ADCY3: variants seen among roughly 807,000 people sequenced by gnomAD.
ADCY3 encodes adenylate cyclase type 3.
A neutral mutation model predicts 119.4 loss-of-function variants in ADCY3; 70 were observed. The observed-to-expected ratio is 0.59, with a 90% CI of 0.48 to 0.72. The LOEUF is 0.72. Ranked by LOEUF, ADCY3 falls within the 30% of genes least tolerant of loss-of-function variation. ADCY3 has a pLI of 0.00. For missense variants in ADCY3, 1,238 were observed against 1,541.6 expected, an observed-to-expected ratio of 0.80 and a Z score of 3.30; for synonymous variants, 672 against 621.4, an observed-to-expected ratio of 1.08 and a Z score of -1.21.
Position 24,842,174 on chromosome 2 carries a change from C to T in ADCY3, c.956+80G>A, listed in dbSNP as rs1671085600. 11 of 1,593,366 alleles carry T rather than the reference C, an allele frequency of 6.9e-6. No homozygotes were observed. In the South Asian group the frequency reaches 1.0e-4, roughly 15 times the overall value. Reference sequence around the variant, plus strand: ...TCCCTGGAAAACCTCTTGAAGCCCACAGCACCTAGCGGGTCCCACAAAGAT... The same window carrying T: ...TCCCTGGAAAACCTCTTGAAGCCCATAGCACCTAGCGGGTCCCACAAAGAT... On this transcript the variant is annotated intron_variant, in intron 4 of 21. Coordinates refer to ENST00000679454, the MANE Select transcript of ADCY3 (RefSeq NM_004036.5). The surrounding 1 kb of genome is among the most constrained non-coding windows in gnomAD (Gnocchi z 4.9).
At chr2:24,829,377 A>G (rs868607445) in intron 13 of ADCY3, among the ~76,000 whole-genome samples, 2 of 148,828 alleles carry the variant, frequency 1.3e-5, no homozygotes. Context: ...CACTGGCAGA[A>G]TAAGTCTCCA....
chr2:24,838,541 A>G lies in ADCY3; in HGVS notation c.1437T>C (p.Cys479=), dbSNP rs771135347. ...DVEPGDGGSR[C]DYLEEKGIET... ...CAATACCCTTCTCTTCTAGGTAATC[A>G]CAGCGGCTGCCCCCATCGCCTGGCT... Residue 479 remains cysteine, a synonymous_variant, in exon 8 of 22, where the codon TGT becomes TGC. Transcript: ENST00000679454. The G allele has an allele frequency of 1.2e-6, 2 of 1,614,082 alleles. No individual in the cohort carries two copies. The highest frequency in any genetic ancestry group is 2.2e-5 in the South Asian group (2 of 91,082).
chr2:24,827,717 T>G, intron 14 of ADCY3, 109 bp from the exon 15 acceptor site: 2 of 1,423,872 alleles, frequency 1.4e-6, no homozygotes, highest in Admixed American at 3.9e-5. Flanking sequence ...ATGGGAAGAA[T>G]CTATTCTCAG....
chr2:24,829,701 C>T (rs566750224), intron 13 of ADCY3, among the ~76,000 whole-genome samples: 52 of 150,756 alleles, frequency 3.4e-4, no homozygotes, highest in Non-Finnish European at 5.6e-4. Flanking sequence ...GGATTACAGG[C>T]GTGAGCCACT....
rs1676032663 is a variant in ADCY3 at position 24,878,837 on chromosome 2, C to G, written c.676-6118G>C. On this transcript the variant is annotated intron_variant, in intron 2 of 21. Transcript: ENST00000679454. This position sits in a 1 kb window ranked among gnomAD's most constrained non-coding sequence, Gnocchi z 4.0. ...ATGTCCCTACCCCTCAGAGGCCTTC[C>G]CTGCCCACCCCTACTCATTCTCCAG... Among the ~76,000 whole-genome samples, 1 of 152,186 alleles carries G rather than the reference C, an allele frequency of 6.6e-6. No homozygotes were observed. The highest frequency in any genetic ancestry group is 2.1e-4 in the South Asian group (1 of 4,830).
chr2:24,838,295 G>T (rs1042318556), intron 8 of ADCY3, 150 bp downstream of exon 8: 1 of 771,536 alleles, frequency 1.3e-6, no homozygotes, highest in Non-Finnish European at 2.1e-6. Context: ...TCTCCCTTGG[G>T]AAGGGTGCCA....
In ADCY3 at chr2:24,842,237, G is replaced by T. The variant is rs370231589; in HGVS notation, c.956+17C>A. Reference sequence around the variant, plus strand: ...AGCCTGCTCTGCCATCAGAGCCCGCGCCCCGGGCCGGCGTACCTGACGTTC... The same window carrying T: ...AGCCTGCTCTGCCATCAGAGCCCGCTCCCCGGGCCGGCGTACCTGACGTTC... On this transcript the variant is annotated intron_variant, in intron 4 of 21. Transcript: ENST00000679454. The surrounding 1 kb of genome is among the most constrained non-coding windows in gnomAD (Gnocchi z 4.9). 4 of 1,613,722 alleles carry T rather than the reference G, an allele frequency of 2.5e-6. No individual in the cohort carries two copies. The Admixed American group carries it at 6.7e-5, about 27-fold the overall frequency.
intron 8 of ADCY3, among the ~76,000 whole-genome samples, chr2:24,837,399 G>A (rs773046216): frequency 5.9e-5 from 9 of 152,178 alleles, no homozygotes; most frequent in Non-Finnish European, 1.0e-4. Context: ...AAGACACTGG[G>A]GGTGGAGATA....
intron 2 of ADCY3, among the ~76,000 whole-genome samples, chr2:24,905,599 G>T (rs368949511): frequency 6.6e-6 from 1 of 152,196 alleles, no homozygotes; most frequent in East Asian, 1.9e-4. Context: ...AGGGAGGCAA[G>T]GGCAGGGCTT....
At chr2:24,830,959 T>C (rs1056074) in intron 12 of ADCY3, 134 bp from the exon 13 acceptor site, 123,394 of 679,522 alleles carry the variant, frequency 0.18, 11,925 homozygotes, top group East Asian at 0.3. Flanking sequence ...GGGAGTCACC[T>C]GACAGCTGAC....
rs1667150183 is a variant in ADCY3, at chr2:24,819,200, G to A, written c.*732C>T. 6.6e-6 allele frequency: 1 copy of A among 152,630 alleles called. No homozygotes were observed. The highest frequency in any genetic ancestry group is 1.5e-5 in the Non-Finnish European group (1 of 68,044). 9.5% of individuals were successfully genotyped at this position (152,630 alleles called of 1,614,324 possible). ...GTTGAATAAAGCTTTTAATAAAACA[G>A]TCTTGTTCTTTATCAATACCTGTAA... On this transcript the variant is annotated 3_prime_UTR_variant, in exon 22 of 22. Coordinates refer to ENST00000679454, the MANE Select transcript of ADCY3 (RefSeq NM_004036.5).
At chr2:24,833,025 C>T (rs185720698) in intron 11 of ADCY3, among the ~76,000 whole-genome samples, 14 of 152,346 alleles carry the variant, frequency 9.2e-5, no homozygotes, top group Admixed American at 5.9e-4. Flanking sequence ...CAGCATCTAT[C>T]GACGGAATCC....
chr2:24,820,613 G>A (rs1250922920), intron 21 of ADCY3, 111 bp downstream of exon 21: 2 of 1,537,546 alleles, frequency 1.3e-6, no homozygotes, highest in Non-Finnish European at 1.8e-6. Context: ...CTCTGCCTCT[G>A]GACTTACTGT....
At chr2:24,840,532 A>G in intron 6 of ADCY3, 1 of 468,178 alleles carries the variant, frequency 2.1e-6, no homozygotes, top group South Asian at 1.6e-5. Flanking sequence ...AACCTGGAAG[A>G]TGGTAAAAAT....
Position 24,841,791 on chromosome 2 carries a change from G to C in ADCY3, c.957-124C>G, listed in dbSNP as rs192943397. ...AGGGCAGGAGAAGGTCCTCCCTCAC[G>C]ACCCCCAGACAGTGAGACCCTGACC... On this transcript the variant is annotated intron_variant, in intron 4 of 21. Coordinates refer to ENST00000679454, the MANE Select transcript of ADCY3 (RefSeq NM_004036.5). This position sits in a 1 kb window ranked among gnomAD's most constrained non-coding sequence, Gnocchi z 5.8. 347 of 697,968 alleles carry C rather than the reference G, an allele frequency of 5.0e-4. 3 individuals are homozygous for C. In the African/African-American group the frequency reaches 5.5e-3, roughly 11 times the overall value. 43.2% of individuals were successfully genotyped at this position (697,968 alleles called of 1,614,324 possible).
chr2:24,853,158 C>A (rs574314558), intron 3 of ADCY3, among the ~76,000 whole-genome samples: 1 of 151,862 alleles, frequency 6.6e-6, no homozygotes, highest in African/African-American at 2.4e-5. Context: ...AACCTGTAAC[C>A]GAGGACTGGG....
In ADCY3 at chr2:24,827,563, C is replaced by T; in HGVS notation, c.2478G>A (p.Gly826=). ...ALEQMQGFNP[G]LNGTDRLPLV... ...GCCCTTACCTGTCAGTGCCATTGAGCCCAGGGTTGAATCCTTGCATCTGCT... is the reference window on the plus strand; with the variant it reads ...GCCCTTACCTGTCAGTGCCATTGAGTCCAGGGTTGAATCCTTGCATCTGCT... The change falls in exon 15 of 22, where the codon GGG becomes GGA. Residue 826 remains glycine, a synonymous_variant. Coordinates refer to ENST00000679454, the MANE Select transcript of ADCY3 (RefSeq NM_004036.5). 6.3e-7 allele frequency: 1 copy of T among 1,588,828 alleles called. No individual in the cohort carries two copies. Among genetic ancestry groups the T allele is most frequent in the Non-Finnish European group, 8.6e-7 (1 of 1,164,650 alleles).
chr2:24,877,618 A>G (rs1675877586), intron 2 of ADCY3, among the ~76,000 whole-genome samples: 1 of 152,202 alleles, frequency 6.6e-6, no homozygotes, highest in South Asian at 2.1e-4. Flanking sequence ...CGAAGACGTG[A>G]GCATTAAAGA....
chr2:24,834,444 C>A lies in ADCY3; in HGVS notation c.1967+41G>T. 3 of 1,485,954 alleles carry A rather than the reference C, an allele frequency of 2.0e-6. No individual in the cohort carries two copies. Among genetic ancestry groups the A allele is most frequent in the South Asian group, 2.3e-5 (2 of 85,456 alleles). The allele number at this position is 1,485,954 out of a possible 1,614,324, so 92.0% of individuals were successfully genotyped here. On this transcript the variant is annotated intron_variant, in intron 11 of 21. Transcript: ENST00000679454. The surrounding 1 kb of genome is among the most constrained non-coding windows in gnomAD (Gnocchi z 4.2). ...CCCCGCCCCCCGCCCGGCACCACCG[C>A]AGCCGAGGAAACTCGTGGCCCTCCC...
Sources: gnomAD v4.1 joint callset for allele counts (sites outside exome capture counted in the v4.1 genomes callset) on GRCh38, gnomAD v4.1.1 for gene constraint, Gnocchi (gnomAD v3.1) non-coding constraint, MANE v1.5 for transcripts, NCBI Gene and HGNC (gene_info 2026-07-23, HGNC 2026-07-21) for gene names.